CSMD3: variants seen among roughly 807,000 people sequenced by gnomAD.
CSMD3 encodes CUB and sushi domain-containing protein 3.
A neutral mutation model predicts 435.2 loss-of-function variants in CSMD3; 177 were observed. That is an observed-to-expected ratio of 0.41 (90% CI 0.36 to 0.46). The LOEUF (loss-of-function observed/expected upper bound fraction) is 0.46. Ranked by LOEUF, CSMD3 falls within the 20% of genes least tolerant of loss-of-function variation. The pLI is 0.34. For missense variants in CSMD3, 4,265 were observed against 4,504.6 expected (o/e 0.95, Z 1.52); for synonymous variants, 1,656 against 1,520.5 (o/e 1.09, Z -2.07).
intron 28 of CSMD3, among the ~76,000 whole-genome samples, chr8:112,508,471 G>A (rs541765503): frequency 2.6e-5 from 4 of 151,990 alleles, no homozygotes; most frequent in South Asian, 2.1e-4. Context: ...CTTTGATTAC[G>A]TTTCCCTCCT....
At chr8:112,370,030 GAAGAA>G (rs1828203151) in intron 38 of CSMD3, among the ~76,000 whole-genome samples, 1 of 66,106 alleles carries the variant, frequency 1.5e-5, no homozygotes, top group Non-Finnish European at 3.9e-5. Context: ...AGAGGAAGAA[GAAGAA>G]GAAGAAGAAG....
At chr8:113,377,006 T>G in intron 1 of CSMD3, 1 of 1,254,108 alleles carries the variant, frequency 8.0e-7, no homozygotes, top group Non-Finnish European at 1.1e-6. Context: ...CGCAGCCACA[T>G]CTTCTAGGGA....
chr8:112,786,312 GA>G (rs1464866782), intron 13 of CSMD3, among the ~76,000 whole-genome samples: 1 of 151,874 alleles, frequency 6.6e-6, no homozygotes, highest in African/African-American at 2.4e-5. Flanking sequence ...TTTAAGACCT[GA>G]AACTACTAAA....
intron 3 of CSMD3, among the ~76,000 whole-genome samples, chr8:113,223,176 A>G (rs186567759): frequency 9.9e-5 from 15 of 150,810 alleles, no homozygotes; most frequent in Middle Eastern, 3.4e-3. Flanking sequence ...ATGAATTAAT[A>G]TTTACTCAAA....
chr8:112,971,229 C>A (rs2084645061), intron 7 of CSMD3, among the ~76,000 whole-genome samples: 1 of 152,092 alleles, frequency 6.6e-6, no homozygotes, highest in Non-Finnish European at 1.5e-5. Context: ...TCTCATGTAC[C>A]TGCTATCCAG....
rs559058318 is a variant in CSMD3 at position 113,065,562 on chromosome 8, G to T, written c.917+33194C>A. The stretch of plus-strand genomic sequence containing the variant: ...CCACCACGCCTGGCTAATTTTTTTT[G>T]TATTTTTAGTAGAGACAGGGTTTCA... On this transcript the variant is annotated intron_variant, in intron 5 of 70. Transcript: ENST00000297405. 2.2e-3 allele frequency among the ~76,000 whole-genome samples: 332 copies of T among 151,994 alleles called. 1 individual carries two copies. The highest frequency in any genetic ancestry group is 7.6e-3 in the African/African-American group (317 of 41,466).
intron 6 of CSMD3, among the ~76,000 whole-genome samples, chr8:112,993,890 A>G (rs1008090466): frequency 4.0e-5 from 6 of 151,762 alleles, no homozygotes; most frequent in African/African-American, 1.4e-4. Flanking sequence ...TGATACATGT[A>G]GGAGTTATTC....
intron 13 of CSMD3, among the ~76,000 whole-genome samples, chr8:112,762,576 A>T (rs750190275): frequency 6.6e-6 from 1 of 151,980 alleles, no homozygotes; most frequent in Non-Finnish European, 1.5e-5. Flanking sequence ...TAAAAAATAC[A>T]ATATGGCATA....
At chr8:113,296,754 C>T (rs572052405) in intron 2 of CSMD3, among the ~76,000 whole-genome samples, 51 of 145,692 alleles carry the variant, frequency 3.5e-4, no homozygotes, top group Middle Eastern at 3.5e-3. Flanking sequence ...CCTTCTGTTT[C>T]TTGGTTAGAA....
intron 14 of CSMD3, among the ~76,000 whole-genome samples, chr8:112,689,171 G>A (rs1172028434): frequency 6.6e-6 from 1 of 151,970 alleles, no homozygotes; most frequent in African/African-American, 2.4e-5. Context: ...TAGACTTCCT[G>A]AAGAGCAAAC....
At chr8:112,985,513 A>G (rs991745677) in intron 6 of CSMD3, among the ~76,000 whole-genome samples, 3 of 152,130 alleles carry the variant, frequency 2.0e-5, no homozygotes, top group Non-Finnish European at 4.4e-5. Context: ...CAAGGTATTA[A>G]AGAGCTACAT....
At chr8:112,788,069 T>G (rs971877362) in intron 13 of CSMD3, among the ~76,000 whole-genome samples, 3 of 152,100 alleles carry the variant, frequency 2.0e-5, no homozygotes, top group African/African-American at 7.2e-5. Context: ...ATCCATAAAT[T>G]TATATCCCTA....
chr8:112,683,423 C>G (rs1228132340), intron 15 of CSMD3, among the ~76,000 whole-genome samples: 2 of 151,908 alleles, frequency 1.3e-5, no homozygotes, highest in Non-Finnish European at 2.9e-5. Flanking sequence ...GCTTATTTGT[C>G]TCATGTATCT....
chr8:112,267,971 A>G (rs897871158), intron 59 of CSMD3, among the ~76,000 whole-genome samples: 12 of 152,142 alleles, frequency 7.9e-5, no homozygotes, highest in Admixed American at 2.0e-4. Flanking sequence ...CAGGAAAAAA[A>G]CCTTAGAATA....
At chr8:113,289,399 G>A (rs1197602075) in intron 2 of CSMD3, among the ~76,000 whole-genome samples, 1 of 150,366 alleles carries the variant, frequency 6.7e-6, no homozygotes, top group East Asian at 1.9e-4. Context: ...TTTCTGCTAA[G>A]TTTATCATTG....
Position 112,292,143 on chromosome 8 carries a change from C to A in CSMD3, c.8788+394G>T, listed in dbSNP as rs563926185. 2.0e-5 allele frequency among the ~76,000 whole-genome samples: 3 copies of A among 152,008 alleles called. No homozygotes were observed. The South Asian group carries it at 6.2e-4, about 32-fold the overall frequency. On this transcript the variant is annotated intron_variant, in intron 55 of 70. Transcript: ENST00000297405. ...TAAAGCCTCAATACAGGTGTACTGG[C>A]AAGCCAGGCCCACATATAGTTTTCA...
At chr8:112,315,014 C>A (rs993417245) in intron 47 of CSMD3, among the ~76,000 whole-genome samples, 1 of 151,878 alleles carries the variant, frequency 6.6e-6, no homozygotes, top group Non-Finnish European at 1.5e-5. Flanking sequence ...ACTCTCTTCT[C>A]TCTTAAACCT....
At chr8:113,359,488 T>C (rs905145126) in intron 1 of CSMD3, among the ~76,000 whole-genome samples, 2 of 152,154 alleles carry the variant, frequency 1.3e-5, no homozygotes, top group African/African-American at 4.8e-5. Context: ...CCAGCTAAGA[T>C]GGAATGGGAA....
At chr8:113,267,348 A>G (rs1381056246) in intron 3 of CSMD3, among the ~76,000 whole-genome samples, 1 of 151,808 alleles carries the variant, frequency 6.6e-6, no homozygotes, top group Non-Finnish European at 1.5e-5. Flanking sequence ...TATGGAATTA[A>G]CCAAAGTGTC....
Sources: allele counts gnomAD v4.1 joint callset (sites outside exome capture counted in the v4.1 genomes callset), GRCh38; gene constraint gnomAD v4.1.1; transcripts MANE v1.5; gene names NCBI Gene and HGNC (gene_info 2026-07-23, HGNC 2026-07-21).